Variants in GABRG3 observed in about 807,000 individuals in gnomAD.
The protein encoded by GABRG3 is gamma-aminobutyric acid receptor subunit gamma-3.
A neutral mutation model predicts 48.8 loss-of-function variants in GABRG3; 25 were observed. The observed-to-expected ratio is 0.51, with a 90% CI of 0.37 to 0.72. GABRG3 has a LOEUF of 0.72. Ranked by LOEUF, GABRG3 falls within the 30% of genes least tolerant of loss-of-function variation. GABRG3 has a pLI of 0.00. For synonymous variants in GABRG3, 227 were observed against 217.6 expected (o/e 1.04, Z -0.38); for missense variants, 394 against 577.9 (o/e 0.68, Z 3.26).
chr15:27,426,784 C>T (rs1450529940), intron 5 of GABRG3, among the ~76,000 whole-genome samples: 2 of 152,114 alleles, frequency 1.3e-5, no homozygotes, highest in Non-Finnish European at 2.9e-5. Flanking sequence ...TGATGCTGCC[C>T]CTCACTCCAT....
intron 3 of GABRG3, among the ~76,000 whole-genome samples, chr15:27,268,050 T>C (rs1043672045): frequency 9.9e-5 from 15 of 152,198 alleles, no homozygotes; most frequent in Admixed American, 9.8e-4. Flanking sequence ...AATCCTGGCC[T>C]CATATAATGA....
intron 5 of GABRG3, among the ~76,000 whole-genome samples, chr15:27,477,722 G>A (rs927183184): frequency 3.9e-5 from 6 of 152,028 alleles, no homozygotes; most frequent in African/African-American, 1.2e-4. Flanking sequence ...GAACCTAGAA[G>A]TACACTCGAA....
At chr15:27,509,752 C>T (rs1890853327) in intron 6 of GABRG3, among the ~76,000 whole-genome samples, 1 of 152,090 alleles carries the variant, frequency 6.6e-6, no homozygotes, top group African/African-American at 2.4e-5. Context: ...ATTGATTGAC[C>T]AAATCACCTC....
At chr15:27,313,266 A>ATATATATATATATATATATATATGTG (rs1893080290) in intron 3 of GABRG3, among the ~76,000 whole-genome samples, 1 of 14,462 alleles carries the variant, frequency 6.9e-5, no homozygotes, top group South Asian at 2.1e-3. Flanking sequence ...GTGTGTGTAT[A>ATATATATATATATATATATATATGTG]TATATATATA....
chr15:27,320,351 T>C (rs1048332789), intron 3 of GABRG3, among the ~76,000 whole-genome samples: 10 of 152,070 alleles, frequency 6.6e-5, no homozygotes, highest in African/African-American at 2.4e-4. Flanking sequence ...GCGACTTCTG[T>C]CTAGGATGAA....
intron 3 of GABRG3, among the ~76,000 whole-genome samples, chr15:27,231,142 C>G (rs1157383526): frequency 1.3e-5 from 2 of 151,492 alleles, no homozygotes; most frequent in African/African-American, 4.9e-5. Flanking sequence ...TATCTCAAAC[C>G]TACGTTTTTA....
intron 3 of GABRG3, among the ~76,000 whole-genome samples, chr15:27,252,271 C>T (rs937743200): frequency 3.3e-5 from 5 of 152,116 alleles, no homozygotes; most frequent in South Asian, 2.1e-4. Flanking sequence ...ATGCCCTGTC[C>T]GAGGAGTTGC....
intron 3 of GABRG3, among the ~76,000 whole-genome samples, chr15:27,263,118 C>A (rs1193309780): frequency 6.6e-6 from 1 of 152,152 alleles, no homozygotes; most frequent in Admixed American, 6.5e-5. Flanking sequence ...ACGCTAGTGC[C>A]GCATCAGCAG....
At chr15:27,032,346 G>T (rs1896100957) in intron 3 of GABRG3, among the ~76,000 whole-genome samples, 1 of 152,068 alleles carries the variant, frequency 6.6e-6, no homozygotes, top group Admixed American at 6.5e-5. Flanking sequence ...CTGTTTTCTT[G>T]CTTCTTTCTA....
intron 3 of GABRG3, among the ~76,000 whole-genome samples, chr15:27,132,047 T>G (rs1897924556): frequency 6.6e-6 from 1 of 152,098 alleles, no homozygotes; most frequent in African/African-American, 2.4e-5. Flanking sequence ...TTGTCAGATG[T>G]ATAATTTGCA....
chr15:27,372,740 G>T (rs191546378), intron 5 of GABRG3, among the ~76,000 whole-genome samples: 20 of 152,226 alleles, frequency 1.3e-4, no homozygotes, highest in Non-Finnish European at 1.9e-4. Context: ...CATTGTGCCT[G>T]TTTCAATGGT....
chr15:27,199,592 G>A (rs1428478198), intron 3 of GABRG3, among the ~76,000 whole-genome samples: 2 of 152,068 alleles, frequency 1.3e-5, no homozygotes, highest in Non-Finnish European at 2.9e-5. Flanking sequence ...ATGAGTTTAC[G>A]AGAGAGCTGG....
intron 5 of GABRG3, among the ~76,000 whole-genome samples, chr15:27,441,996 T>TTA (rs1888801467): frequency 6.6e-6 from 1 of 152,176 alleles, no homozygotes; most frequent in Admixed American, 6.5e-5. Flanking sequence ...GTGGTGGGGC[T>TTA]TACACTATGG....
chr15:27,459,230 C>G (rs1472903690), intron 5 of GABRG3, among the ~76,000 whole-genome samples: 24 of 152,234 alleles, frequency 1.6e-4, no homozygotes, highest in Admixed American at 1.6e-3. Flanking sequence ...CAGGCTCGGT[C>G]CCATACAGTA....
chr15:27,507,776 T>G (rs1183923205), intron 6 of GABRG3, among the ~76,000 whole-genome samples: 1 of 152,214 alleles, frequency 6.6e-6, no homozygotes, highest in Non-Finnish European at 1.5e-5. Flanking sequence ...CCAACTATAT[T>G]TATTTCTTTG....
chr15:27,061,326 G>T (rs567581655), intron 3 of GABRG3, among the ~76,000 whole-genome samples: 1 of 152,134 alleles, frequency 6.6e-6, no homozygotes, highest in Non-Finnish European at 1.5e-5. Flanking sequence ...TGAGAACACC[G>T]CACTGCCTGC....
chr15:27,113,643 C>G (rs1897592740), intron 3 of GABRG3, among the ~76,000 whole-genome samples: 1 of 152,160 alleles, frequency 6.6e-6, no homozygotes, highest in Non-Finnish European at 1.5e-5. Context: ...TTTATACCTT[C>G]CACCCAAGGA....
At chr15:27,178,502 C>A (rs1887819034) in intron 3 of GABRG3, among the ~76,000 whole-genome samples, 1 of 152,192 alleles carries the variant, frequency 6.6e-6, no homozygotes, top group East Asian at 1.9e-4. Context: ...AGAGCTTTCT[C>A]TTTGGCTCTC....
rs376769953 is a variant in GABRG3 at position 27,155,656 on chromosome 15, G to A, written c.270+128835G>A. ...TTCCGTCCTTGGGTTTATTTATTGGGTTTATTTACCCTTGGAGGCTGTCTC... is the reference window on the plus strand; with the variant it reads ...TTCCGTCCTTGGGTTTATTTATTGGATTTATTTACCCTTGGAGGCTGTCTC... On this transcript the variant is annotated intron_variant, in intron 3 of 9. Transcript: ENST00000615808. Among the ~76,000 whole-genome samples the A allele has an allele frequency of 1.4e-4, 22 of 152,252 alleles. No individual in the cohort carries two copies. In the South Asian group the frequency reaches 4.4e-3, roughly 30 times the overall value.
Sources: gnomAD v4.1 joint callset for allele counts (sites outside exome capture counted in the v4.1 genomes callset) on GRCh38, gnomAD v4.1.1 for gene constraint, MANE v1.5 for transcripts, NCBI Gene and HGNC (gene_info 2026-07-23, HGNC 2026-07-21) for gene names.